The following OLFML2B variants were observed in gnomAD, a reference collection of about 807,000 sequenced individuals.
OLFML2B encodes olfactomedin like 2B, also known as olfactomedin-like protein 2B.
In OLFML2B, 57 loss-of-function variants were observed where a neutral mutation model predicts 74.9. That is an observed-to-expected ratio of 0.76 (90% CI 0.61 to 0.95). The LOEUF (loss-of-function observed/expected upper bound fraction) is 0.95, where lower values mean the gene tolerates loss of function less well. Among genes scored for constraint, OLFML2B ranks in the 40% least tolerant of loss-of-function variants. The probability of loss-of-function intolerance (pLI) is 0.00; values close to 1 mark genes in which losing one functional copy is unlikely to be tolerated. For synonymous variants in OLFML2B, 388 were observed against 405.8 expected (o/e 0.96, Z 0.53); for missense variants, 986 against 970.6 (o/e 1.02, Z -0.21).
chr1:162,020,034 A>C lies in OLFML2B; in HGVS notation c.323T>G (p.Ile108Ser). 1 of 1,614,160 alleles carries C rather than the reference A, an allele frequency of 6.2e-7. No homozygotes were observed. Among genetic ancestry groups the C allele is most frequent in the Non-Finnish European group, 8.5e-7 (1 of 1,180,018 alleles). ...RKEDFYTVET[I>S]TSGSSCKCAC... ...ACACTTGCACGACGAGCCTGAGGTG[A>C]TGGTTTCCACGGTATAGAAGTCTTC... The change falls in exon 2 of 8, where the codon ATC (isoleucine) becomes AGC (serine). Residue 108 changes from isoleucine to serine, a missense_variant. By Grantham distance (142) the Ile-to-Ser change is moderately radical. Coordinates refer to ENST00000294794, the MANE Select transcript of OLFML2B (RefSeq NM_015441.3).
intron 3 of OLFML2B, among the ~76,000 whole-genome samples, chr1:162,016,596 G>A (rs1690544459): frequency 6.6e-6 from 1 of 152,178 alleles, no homozygotes; most frequent in African/African-American, 2.4e-5. Context: ...CAAGTTATCA[G>A]TCCAAGAACC....
chr1:161,988,266 A>G (rs960353111), intron 6 of OLFML2B, among the ~76,000 whole-genome samples: 1 of 152,206 alleles, frequency 6.6e-6, no homozygotes, highest in African/African-American at 2.4e-5. Context: ...TCTGAAAAGA[A>G]GGGGCCCTTC....
intron 6 of OLFML2B, among the ~76,000 whole-genome samples, chr1:161,988,846 G>T (rs1174604696): frequency 6.6e-6 from 1 of 151,986 alleles, no homozygotes; most frequent in Non-Finnish European, 1.5e-5. Flanking sequence ...TGTCCTCATG[G>T]CTCCTCAAAC....
At position 161,983,614 on chromosome 1, in the gene OLFML2B, A is replaced by G. The variant is rs894288859; in HGVS notation, c.*61T>C. On this transcript the variant is annotated 3_prime_UTR_variant, in exon 8 of 8. Coordinates refer to ENST00000294794, the MANE Select transcript of OLFML2B (RefSeq NM_015441.3). ...TACCCACCTACACACACGTGCGCGCACACACATACACACAAGGTGCTAGTG... is the reference window on the plus strand; with the variant it reads ...TACCCACCTACACACACGTGCGCGCGCACACATACACACAAGGTGCTAGTG... 7.8e-6 allele frequency: 12 copies of G among 1,535,244 alleles called. No homozygotes were observed. Among genetic ancestry groups the G allele is most frequent in the Admixed American group, 1.9e-5 (1 of 53,418 alleles).
At chr1:162,009,413 A>C (rs759124326) in intron 3 of OLFML2B, among the ~76,000 whole-genome samples, 47 of 152,252 alleles carry the variant, frequency 3.1e-4, no homozygotes, top group Admixed American at 9.2e-4. Flanking sequence ...AACACTGTGC[A>C]TCAGTGGGTG....
intron 3 of OLFML2B, among the ~76,000 whole-genome samples, chr1:162,010,933 C>T (rs1690361846): frequency 6.6e-6 from 1 of 152,108 alleles, no homozygotes; most frequent in African/African-American, 2.4e-5. Context: ...TGGTACAGTG[C>T]TGGGCAAGGA....
intron 4 of OLFML2B, among the ~76,000 whole-genome samples, chr1:162,004,737 A>G (rs922288107): frequency 6.6e-6 from 1 of 152,192 alleles, no homozygotes; most frequent in Non-Finnish European, 1.5e-5. Flanking sequence ...CCTGCACAGC[A>G]ATGCTTCCCA....
Position 162,000,170 on chromosome 1 carries a change from C to T in OLFML2B, c.892G>A (p.Gly298Ser), listed in dbSNP as rs1043152722. 6.2e-7 allele frequency: 1 copy of T among 1,613,260 alleles called. No individual in the cohort carries two copies. Among genetic ancestry groups the T allele is most frequent in the Non-Finnish European group, 8.5e-7 (1 of 1,179,432 alleles). ...RPASQPTVIR[G>S]ITYYKAKVSE... ...ACCTTGGCTTTATAGTAGGTGATGC[C>T]CCGGATGACAGTGGGCTGGGAGGCC... is the stretch of plus-strand genomic sequence containing the variant. The change falls in exon 5 of 8, where the codon GGC (glycine) becomes AGC (serine). Residue 298 changes from glycine (G) to serine (S), a missense_variant. Gly to Ser is a moderately conservative substitution (Grantham distance 56). Coordinates refer to ENST00000294794, the MANE Select transcript of OLFML2B (RefSeq NM_015441.3).
intron 3 of OLFML2B, among the ~76,000 whole-genome samples, chr1:162,008,310 C>A (rs1007576627): frequency 1.3e-5 from 2 of 152,080 alleles, no homozygotes; most frequent in Non-Finnish European, 2.9e-5. Context: ...TGGAATGGAC[C>A]CAAGAACTCA....
chr1:162,022,799 A>G (rs1690760148), intron 1 of OLFML2B, among the ~76,000 whole-genome samples: 1 of 151,694 alleles, frequency 6.6e-6, no homozygotes, highest in Non-Finnish European at 1.5e-5. Context: ...TTCATCACAC[A>G]TGCTTCTGTT....
At chr1:161,991,939 C>G (rs1689754675) in intron 6 of OLFML2B, among the ~76,000 whole-genome samples, 1 of 152,202 alleles carries the variant, frequency 6.6e-6, no homozygotes, top group Non-Finnish European at 1.5e-5. Flanking sequence ...AAGTCACCAG[C>G]TGCATTAGCC....
Position 162,009,079 on chromosome 1 carries a change from C to T in OLFML2B, c.547-2606G>A, listed in dbSNP as rs573403123. Among the ~76,000 whole-genome samples, 15 of 152,270 alleles carry T rather than the reference C, an allele frequency of 9.9e-5. No individual in the cohort carries two copies. The South Asian group carries it at 1.7e-3, about 17-fold the overall frequency. On this transcript the variant is annotated intron_variant, in intron 3 of 7. Coordinates refer to ENST00000294794, the MANE Select transcript of OLFML2B (RefSeq NM_015441.3). The stretch of plus-strand genomic sequence containing the variant: ...CTCAGTGCTGCACTGAGGGTTCAAG[C>T]GTGAGCAAGGCCACTGGGATCCTGC...
intron 1 of OLFML2B, among the ~76,000 whole-genome samples, chr1:162,021,603 C>A (rs909957235): frequency 6.6e-6 from 1 of 152,352 alleles, no homozygotes; most frequent in South Asian, 2.1e-4. Context: ...GTTTTCCTTG[C>A]AAAGATTGGG....
chr1:162,020,293 A>G, intron 1 of OLFML2B, 111 bp from the exon 2 acceptor site: 2 of 1,308,718 alleles, frequency 1.5e-6, no homozygotes, highest in Non-Finnish European at 2.1e-6. Context: ...CAGAGACCTC[A>G]GAAAACTCTG....
At chr1:162,010,947 C>G (rs1254938034) in intron 3 of OLFML2B, among the ~76,000 whole-genome samples, 4 of 152,066 alleles carry the variant, frequency 2.6e-5, no homozygotes, top group African/African-American at 9.7e-5. Flanking sequence ...GCAAGGAAAT[C>G]AGGCTTGAGG....
At chr1:162,003,384 C>T (rs905526100) in intron 4 of OLFML2B, among the ~76,000 whole-genome samples, 4 of 152,326 alleles carry the variant, frequency 2.6e-5, no homozygotes, top group South Asian at 4.1e-4. Flanking sequence ...ATTTCTTCGC[C>T]GCAAACCCCA....
At position 161,985,870 on chromosome 1, in the gene OLFML2B, T is replaced by G. The variant is rs540639262; in HGVS notation, c.1475-890A>C. On this transcript the variant is annotated intron_variant, in intron 6 of 7. Transcript: ENST00000294794. ...ATGGGACAGGAACTCAGCAACGTCCTTCTGAGTGGCTCTGGATCCGGTGCC... is the reference window on the plus strand; with the variant it reads ...ATGGGACAGGAACTCAGCAACGTCCGTCTGAGTGGCTCTGGATCCGGTGCC... 1.5e-3 allele frequency among the ~76,000 whole-genome samples: 222 copies of G among 152,298 alleles called. 1 individual carries two copies. Among genetic ancestry groups the G allele is most frequent in the African/African-American group, 5.1e-3 (211 of 41,552 alleles).
intron 1 of OLFML2B, among the ~76,000 whole-genome samples, chr1:162,022,244 C>CTTTTTTTTTTT (rs56395023): frequency 7.3e-4 from 52 of 70,770 alleles, no homozygotes; most frequent in East Asian, 4.0e-3. Context: ...TGTATCTCTT[C>CTTTTTTTTTTT]TTTTTTTTTT....
chr1:162,000,133 T>C lies in OLFML2B; in HGVS notation c.929A>G (p.Glu310Gly). 3.1e-6 allele frequency: 5 copies of C among 1,601,432 alleles called. No homozygotes were observed. The highest frequency in any genetic ancestry group is 4.3e-6 in the Non-Finnish European group (5 of 1,170,616). ...TYYKAKVSEEENDIEEQQDEF... is the reference protein window; with the variant it reads ...TYYKAKVSEEGNDIEEQQDEF... ...CTCACGCTGCTCTTCAATGTCATTC[T>C]CTTCTTCAGAGACCTTGGCTTTATA... is the stretch of plus-strand genomic sequence containing the variant. Residue 310 changes from glutamate (E) to glycine (G), a missense_variant, in exon 5 of 8, where the codon GAG (glutamate) becomes GGG (glycine). Coordinates refer to ENST00000294794, the MANE Select transcript of OLFML2B (RefSeq NM_015441.3).
Sources: allele counts gnomAD v4.1 joint callset (sites outside exome capture counted in the v4.1 genomes callset), GRCh38; gene constraint gnomAD v4.1.1; transcripts MANE v1.5; gene names NCBI Gene and HGNC (gene_info 2026-07-23, HGNC 2026-07-21).